NEGR1: variants seen among roughly 807,000 people sequenced by gnomAD.
NEGR1 encodes the protein IgLON family member 4.
In NEGR1, 10 loss-of-function variants were observed where a neutral mutation model predicts 40.9. The observed-to-expected ratio is 0.24, with a 90% CI of 0.15 to 0.42. The LOEUF is 0.42. Ranked by LOEUF, NEGR1 falls within the 10% of genes least tolerant of loss-of-function variation. NEGR1 has a pLI of 1.00. For missense variants in NEGR1, 352 were observed against 438.9 expected (o/e 0.80, Z 1.77); for synonymous variants, 185 against 166.8 (o/e 1.11, Z -0.84).
intron 4 of NEGR1, among the ~76,000 whole-genome samples, chr1:71,619,093 T>G (rs1347509730): frequency 6.6e-6 from 1 of 152,186 alleles, no homozygotes; most frequent in East Asian, 1.9e-4. Flanking sequence ...ATATGGTCAT[T>G]TATTTCCCTG....
intron 2 of NEGR1, among the ~76,000 whole-genome samples, chr1:71,858,833 A>C (rs1211920848): frequency 1.3e-5 from 2 of 152,074 alleles, no homozygotes; most frequent in Non-Finnish European, 2.9e-5. Flanking sequence ...ATTTAGTTGA[A>C]TATCAGCCCT....
chr1:72,238,288 T>G (rs1654625921), intron 1 of NEGR1, among the ~76,000 whole-genome samples: 1 of 151,804 alleles, frequency 6.6e-6, no homozygotes, highest in Non-Finnish European at 1.5e-5. Context: ...GAAGGAGAGA[T>G]AGGAATATAA....
chr1:72,079,808 A>G (rs1269491464), intron 1 of NEGR1, among the ~76,000 whole-genome samples: 1 of 152,126 alleles, frequency 6.6e-6, no homozygotes, highest in Non-Finnish European at 1.5e-5. Context: ...AGTGTTCTAT[A>G]ATAGTTTCAA....
Position 71,648,718 on chromosome 1 carries a change from T to C in NEGR1, c.668-37572A>G, listed in dbSNP as rs138088948. ...TTCAATCACAGAAATTGCTGGGTTG[T>C]TTCTTGTTCCTTTAGTTTGCTTTTC... On this transcript the variant is annotated intron_variant, in intron 4 of 6. Transcript: ENST00000357731. Among the ~76,000 whole-genome samples, 435 of 152,114 alleles carry C rather than the reference T, an allele frequency of 2.9e-3. 3 individuals are homozygous for C. Among genetic ancestry groups the C allele is most frequent in the African/African-American group, 0.01 (421 of 41,532 alleles).
intron 1 of NEGR1, among the ~76,000 whole-genome samples, chr1:72,188,804 G>A (rs538440095): frequency 5.9e-4 from 89 of 151,380 alleles, no homozygotes; most frequent in Non-Finnish European, 1.2e-3. Flanking sequence ...CAATTATTAT[G>A]ATCTTATTTA....
chr1:71,521,328 T>C (rs1021300724), intron 6 of NEGR1, among the ~76,000 whole-genome samples: 1 of 151,982 alleles, frequency 6.6e-6, no homozygotes, highest in African/African-American at 2.4e-5. Flanking sequence ...ATTTAAGAGA[T>C]GAAAGCAAAG....
chr1:71,706,564 CAAAAAA>C (rs35126210), intron 3 of NEGR1, among the ~76,000 whole-genome samples: 3 of 116,312 alleles, frequency 2.6e-5, no homozygotes, highest in Non-Finnish European at 5.2e-5. Context: ...GTTGCTGCTC[CAAAAAA>C]AAAAAAAAAA....
At chr1:71,844,221 C>A (rs1183201299) in intron 2 of NEGR1, among the ~76,000 whole-genome samples, 1 of 152,144 alleles carries the variant, frequency 6.6e-6, no homozygotes, top group Non-Finnish European at 1.5e-5. Context: ...ATGTAACCAT[C>A]CCTTAACAAA....
chr1:71,764,924 T>C (rs980919238), intron 3 of NEGR1, among the ~76,000 whole-genome samples: 1 of 152,076 alleles, frequency 6.6e-6, no homozygotes, highest in African/African-American at 2.4e-5. Context: ...AATCGGATTG[T>C]GATGTGCGAT....
chr1:71,900,087 C>T (rs1661103773), intron 2 of NEGR1, among the ~76,000 whole-genome samples: 1 of 152,136 alleles, frequency 6.6e-6, no homozygotes, highest in African/African-American at 2.4e-5. Context: ...CCAAAAAATA[C>T]AGTATACCAC....
intron 6 of NEGR1, among the ~76,000 whole-genome samples, chr1:71,544,490 CT>C (rs1647824994): frequency 6.6e-6 from 1 of 151,458 alleles, no homozygotes; most frequent in African/African-American, 2.4e-5. Context: ...GTTTACTAAC[CT>C]AAAAAACAGG....
At chr1:72,246,107 A>G (rs182909169) in intron 1 of NEGR1, among the ~76,000 whole-genome samples, 1 of 152,184 alleles carries the variant, frequency 6.6e-6, no homozygotes, top group Admixed American at 6.5e-5. Flanking sequence ...ATCCCATTCA[A>G]AAAAACAAAA....
intron 1 of NEGR1, among the ~76,000 whole-genome samples, chr1:72,265,484 T>C (rs553482253): frequency 6.6e-6 from 1 of 151,082 alleles, no homozygotes; most frequent in South Asian, 2.1e-4. Flanking sequence ...GTAACTAATA[T>C]ACTACAGAAT....
At chr1:71,983,331 G>T (rs1557467999) in intron 1 of NEGR1, among the ~76,000 whole-genome samples, 1 of 152,026 alleles carries the variant, frequency 6.6e-6, no homozygotes, top group Non-Finnish European at 1.5e-5. Flanking sequence ...TCTACACAGG[G>T]TTATCTGGAA....
intron 4 of NEGR1, among the ~76,000 whole-genome samples, chr1:71,645,276 A>G (rs1230171411): frequency 2.0e-5 from 3 of 152,148 alleles, no homozygotes; most frequent in Non-Finnish European, 4.4e-5. Context: ...TAGTATGCAT[A>G]GTACTCACTG....
At chr1:71,493,282 A>G (rs1646941511) in intron 6 of NEGR1, among the ~76,000 whole-genome samples, 1 of 152,114 alleles carries the variant, frequency 6.6e-6, no homozygotes, top group African/African-American at 2.4e-5. Flanking sequence ...GTTGACCTCT[A>G]ATGCAACAAT....
At chr1:72,174,479 G>A (rs1172236125) in intron 1 of NEGR1, among the ~76,000 whole-genome samples, 1 of 152,110 alleles carries the variant, frequency 6.6e-6, no homozygotes, top group Non-Finnish European at 1.5e-5. Context: ...TCCTCTGTGT[G>A]CTGTCTATTC....
intron 1 of NEGR1, among the ~76,000 whole-genome samples, chr1:72,021,681 A>C (rs1026917258): frequency 6.6e-6 from 1 of 152,174 alleles, no homozygotes; most frequent in African/African-American, 2.4e-5. Context: ...CAAAAAACTT[A>C]CTCAAAAAGT....
At chr1:71,438,779 G>A (rs1646527220) in intron 6 of NEGR1, among the ~76,000 whole-genome samples, 1 of 152,126 alleles carries the variant, frequency 6.6e-6, no homozygotes, top group African/African-American at 2.4e-5. Flanking sequence ...TTGAGAGAGA[G>A]CACCTGGCCC....
Sources: allele counts gnomAD v4.1 joint callset (sites outside exome capture counted in the v4.1 genomes callset), GRCh38; gene constraint gnomAD v4.1.1; transcripts MANE v1.5; gene names NCBI Gene and HGNC (gene_info 2026-07-23, HGNC 2026-07-21).